PDIK1L: variants seen among roughly 807,000 people sequenced by gnomAD.
PDIK1L encodes the protein serine/threonine-protein kinase PDIK1L.
PDIK1L carries 9 observed loss-of-function variants against 27.1 expected under a neutral mutation model. That is an observed-to-expected ratio of 0.33 (90% CI 0.20 to 0.58). PDIK1L has a LOEUF of 0.58. PDIK1L is among the 20% of genes least tolerant of loss of function. PDIK1L has a pLI of 0.86. For missense variants in PDIK1L, 216 were observed against 413.2 expected (o/e 0.52, Z 4.14); for synonymous variants, 130 against 141.7 (o/e 0.92, Z 0.59).
Position 26,124,995 on chromosome 1 carries a change from A to G in PDIK1L, c.*2418A>G, listed in dbSNP as rs1202265245. On this transcript the variant is annotated 3_prime_UTR_variant, in exon 3 of 3. Coordinates refer to ENST00000374269, the MANE Select transcript of PDIK1L (RefSeq NM_152835.5). ...GTGCCTTGCCCATAATAGGTACTCA[A>G]TAAGCAATTGTTCCTCATAGAGTCT... The G allele has an allele frequency of 2.0e-5, 3 of 152,638 alleles. No homozygotes were observed. Among genetic ancestry groups the G allele is most frequent in the African/African-American group, 2.4e-5 (1 of 41,464 alleles). The allele number at this position is 152,638 out of a possible 1,614,324, so 9.5% of individuals were successfully genotyped here. A position where few individuals can be genotyped will look rare whatever the true frequency, so the allele number is the denominator to read the frequency against.
In PDIK1L at chr1:26,114,345, G is replaced by A. The variant is rs756004997; in HGVS notation, c.37G>A (p.Glu13Lys). Residue 13 changes from glutamate (E) to lysine (K), a missense_variant, in exon 2 of 3, where the codon GAG becomes AAG. Physicochemically the swap from Glu to Lys is moderately conservative, Grantham distance 56. Coordinates refer to ENST00000374269, the MANE Select transcript of PDIK1L (RefSeq NM_152835.5). The surrounding 1 kb of genome is among the most constrained non-coding windows in gnomAD (Gnocchi z 4.8). ...SSQPKYDLIR[E>K]VGRGSYGVVY... ...CCAGCCAAAGTACGATCTAATACGG[G>A]AGGTAGGCCGAGGTAGTTACGGTGT... is the stretch of plus-strand genomic sequence containing the variant. 3.8e-5 allele frequency: 61 copies of A among 1,613,844 alleles called. No individual in the cohort carries two copies. The highest frequency in any genetic ancestry group is 2.8e-5 in the Non-Finnish European group (33 of 1,179,904).
chr1:26,116,115 A>T (rs1250606061), intron 2 of PDIK1L, among the ~76,000 whole-genome samples: 1 of 151,902 alleles, frequency 6.6e-6, no homozygotes, highest in Admixed American at 6.6e-5. Context: ...AGGCCGGAGA[A>T]TCTCTTGAAT....
chr1:26,118,078 T>C (rs544933088), intron 2 of PDIK1L, among the ~76,000 whole-genome samples: 7 of 148,702 alleles, frequency 4.7e-5, no homozygotes, highest in African/African-American at 1.7e-4. Context: ...AAAAAGTGGA[T>C]AGAACCTTGC....
At chr1:26,121,185 T>TA (rs1170512685) in intron 2 of PDIK1L, among the ~76,000 whole-genome samples, 3 of 152,340 alleles carry the variant, frequency 2.0e-5, no homozygotes, top group East Asian at 3.9e-4. Context: ...TTTAAAAATT[T>TA]AAAAAATGCC....
intron 2 of PDIK1L, among the ~76,000 whole-genome samples, chr1:26,120,417 CAT>C (rs567680295): frequency 5.3e-5 from 8 of 152,298 alleles, no homozygotes; most frequent in Admixed American, 2.6e-4. Context: ...CACTGGCAAA[CAT>C]GTGCAACAAG....
Position 26,114,484 on chromosome 1 carries a change from G to A in PDIK1L, c.176G>A (p.Ser59Asn). ...LALREFWALS[S>N]IKSQHPNVIH... is the part of the protein sequence containing the mutation. The stretch of plus-strand genomic sequence containing the variant: ...CTTCGTGAGTTCTGGGCACTAAGCA[G>A]TATCAAGAGCCAACATCCAAATGTG... The change falls in exon 2 of 3, where the codon AGT becomes AAT. Residue 59 changes from serine (S) to asparagine (N), a missense_variant. Ser to Asn is a conservative substitution (Grantham distance 46). Coordinates refer to ENST00000374269, the MANE Select transcript of PDIK1L (RefSeq NM_152835.5). This position sits in a 1 kb window ranked among gnomAD's most constrained non-coding sequence, Gnocchi z 4.8. The A allele has an allele frequency of 1.9e-6, 3 of 1,614,134 alleles. No individual in the cohort carries two copies. Among genetic ancestry groups the A allele is most frequent in the Non-Finnish European group, 2.5e-6 (3 of 1,180,008 alleles).
rs747413816 is a variant in PDIK1L at position 26,114,297 on chromosome 1, T to C, written c.-12T>C. On this transcript the variant is annotated 5_prime_UTR_variant, in exon 2 of 3. Coordinates refer to ENST00000374269, the MANE Select transcript of PDIK1L (RefSeq NM_152835.5). This position sits in a 1 kb window ranked among gnomAD's most constrained non-coding sequence, Gnocchi z 4.8. ...CACTTTGTTGATTTTTCCAGAAACC[T>C]CGACCTTGAAGATGGTGAGTAGCCA... 6.2e-7 allele frequency: 1 copy of C among 1,602,946 alleles called. No individual in the cohort carries two copies. The highest frequency in any genetic ancestry group is 8.5e-7 in the Non-Finnish European group (1 of 1,171,390).
rs888854653 is a variant in PDIK1L at position 26,122,078 on chromosome 1, G to C, written c.527G>C (p.Arg176Thr). 2.5e-6 allele frequency: 4 copies of C among 1,613,778 alleles called. No individual in the cohort carries two copies. Among genetic ancestry groups the C allele is most frequent in the Admixed American group, 3.3e-5 (2 of 59,954 alleles). The change falls in exon 3 of 3, where the codon AGG becomes ACG. Residue 176 changes from arginine (R) to threonine (T), a missense_variant. Physicochemically the swap from Arg to Thr is moderately conservative, Grantham distance 71. Coordinates refer to ENST00000374269, the MANE Select transcript of PDIK1L (RefSeq NM_152835.5). This position sits in a 1 kb window ranked among gnomAD's most constrained non-coding sequence, Gnocchi z 5.4. The part of the protein sequence containing the change: ...KPDNILISQT[R>T]LDTSDLEPTL... ...GATAACATCCTGATTTCTCAAACCA[G>C]GTTGGATACCAGTGACTTGGAACCT...
In PDIK1L at chr1:26,114,652, G is replaced by A; in HGVS notation, c.285+59G>A. 1 of 1,570,254 alleles carries A rather than the reference G, an allele frequency of 6.4e-7. No homozygotes were observed. Among genetic ancestry groups the A allele is most frequent in the South Asian group, 1.2e-5 (1 of 86,626 alleles). ...TGAACATGGCATTGGCCAGCAAGAA[G>A]AGGAATGAAAGGGTCAGACGAACGT... On this transcript the variant is annotated intron_variant, in intron 2 of 2. Coordinates refer to ENST00000374269, the MANE Select transcript of PDIK1L (RefSeq NM_152835.5). The surrounding 1 kb of genome is among the most constrained non-coding windows in gnomAD (Gnocchi z 4.8).
chr1:26,114,990 T>C lies in PDIK1L; in HGVS notation c.285+397T>C, dbSNP rs902732832. 3.3e-5 allele frequency among the ~76,000 whole-genome samples: 5 copies of C among 152,236 alleles called. No individual in the cohort carries two copies. The highest frequency in any genetic ancestry group is 1.2e-4 in the African/African-American group (5 of 41,444). On this transcript the variant is annotated intron_variant, in intron 2 of 2. Coordinates refer to ENST00000374269, the MANE Select transcript of PDIK1L (RefSeq NM_152835.5). This position sits in a 1 kb window ranked among gnomAD's most constrained non-coding sequence, Gnocchi z 4.8. ...ACCCCTAGGTAATTGGGCATCTCTTTTATAAATCACTGGTTTGAATGTAAG... is the reference window on the plus strand; with the variant it reads ...ACCCCTAGGTAATTGGGCATCTCTTCTATAAATCACTGGTTTGAATGTAAG...
rs201344559 is a variant in PDIK1L, at chr1:26,125,504, CTTTT to C, written c.*2934_*2937del. 1 of 145,684 alleles carries C rather than the reference CTTTT, an allele frequency of 6.9e-6. No homozygotes were observed. Among genetic ancestry groups the C allele is most frequent in the Non-Finnish European group, 1.5e-5 (1 of 66,014 alleles). The allele number at this position is 145,684 out of a possible 1,614,324, so 9.0% of individuals were successfully genotyped here. A position where few individuals can be genotyped will look rare whatever the true frequency, so the allele number is the denominator to read the frequency against. On this transcript the variant is annotated 3_prime_UTR_variant, in exon 3 of 3. Coordinates refer to ENST00000374269, the MANE Select transcript of PDIK1L (RefSeq NM_152835.5). ...AATGATTGTAATTTATTGTTCATGACTTTTTTTTTTAAATAAAGTGAGTTTCAAC... is the reference window on the plus strand; with the variant it reads ...AATGATTGTAATTTATTGTTCATGACTTTTTTAAATAAAGTGAGTTTCAAC...
chr1:26,121,663 T>G (rs1394022296), intron 2 of PDIK1L, among the ~76,000 whole-genome samples, 174 bp from the exon 3 acceptor site: 1 of 152,202 alleles, frequency 6.6e-6, no homozygotes, highest in Non-Finnish European at 1.5e-5. Flanking sequence ...AAATGACAAG[T>G]TGAAGCATTT....
At chr1:26,117,808 G>A (rs1464994200) in intron 2 of PDIK1L, among the ~76,000 whole-genome samples, 2 of 151,850 alleles carry the variant, frequency 1.3e-5, no homozygotes, top group South Asian at 2.1e-4. Context: ...CTGTAATCCC[G>A]GCACTTCGGG....
rs60381058 is a variant in PDIK1L, at chr1:26,117,015, C to CTT, written c.285+2448_285+2449dup. 4.7e-4 allele frequency among the ~76,000 whole-genome samples: 49 copies of CTT among 103,568 alleles called. 2 individuals carry two copies. Among genetic ancestry groups the CTT allele is most frequent in the East Asian group, 2.3e-3 (7 of 2,994 alleles). The allele number at this position is 103,568 out of a possible 152,430, so 67.9% of individuals were successfully genotyped here. A position where few individuals can be genotyped will look rare whatever the true frequency, so the allele number is the denominator to read the frequency against. On this transcript the variant is annotated intron_variant, in intron 2 of 2. Coordinates refer to ENST00000374269, the MANE Select transcript of PDIK1L (RefSeq NM_152835.5). ...ACAGGCGTGAGCCACTGCGCCCAAC[C>CTT]TTTTTTTTTTTTTTTTTTTTTTTTT...
At position 26,119,435 on chromosome 1, in the gene PDIK1L, C is replaced by T. The variant is rs544215548; in HGVS notation, c.286-2402C>T. The stretch of plus-strand genomic sequence containing the variant: ...TCTCTCTCTCTCTCTCACACACACA[C>T]ACAAAATATATATATAATTGTCTAA... On this transcript the variant is annotated intron_variant, in intron 2 of 2. Transcript: ENST00000374269. 3.9e-5 allele frequency among the ~76,000 whole-genome samples: 6 copies of T among 152,012 alleles called. No individual in the cohort carries two copies. The South Asian group carries it at 1.2e-3, about 32-fold the overall frequency.
chr1:26,112,277 G>C (rs537837876), intron 1 of PDIK1L, among the ~76,000 whole-genome samples: 3 of 152,350 alleles, frequency 2.0e-5, no homozygotes, highest in African/African-American at 7.2e-5. Flanking sequence ...CTCTGGCCGC[G>C]ACTGGCCCTT....
At chr1:26,113,498 T>TAAAAAAA (rs67443362) in intron 1 of PDIK1L, among the ~76,000 whole-genome samples, 3 of 91,052 alleles carry the variant, frequency 3.3e-5, no homozygotes, top group Non-Finnish European at 6.4e-5. Context: ...AGACTCCGTC[T>TAAAAAAA]AAAAAAAAAA....
chr1:26,116,212 A>AG, intron 2 of PDIK1L, among the ~76,000 whole-genome samples: 1 of 151,522 alleles, frequency 6.6e-6, no homozygotes, highest in East Asian at 1.9e-4. Context: ...CAAAAAAAAA[A>AG]AAAAACTCTG....
chr1:26,115,305 T>G lies in PDIK1L; in HGVS notation c.285+712T>G, dbSNP rs77225862. 7.6e-3 allele frequency among the ~76,000 whole-genome samples: 1,160 copies of G among 152,362 alleles called. 14 individuals are homozygous for G. Among genetic ancestry groups the G allele is most frequent in the African/African-American group, 0.026 (1,093 of 41,582 alleles). On this transcript the variant is annotated intron_variant, in intron 2 of 2. Coordinates refer to ENST00000374269, the MANE Select transcript of PDIK1L (RefSeq NM_152835.5). ...CATAGTAAGTGGTACAATTGGGAGC[T>G]GGAGCTGAGAATGACAGCTGAAGCT... is the stretch of plus-strand genomic sequence containing the variant.
Sources: allele counts gnomAD v4.1 joint callset (sites outside exome capture counted in the v4.1 genomes callset), GRCh38; gene constraint gnomAD v4.1.1; non-coding constraint Gnocchi (gnomAD v3.1); transcripts MANE v1.5; gene names NCBI Gene and HGNC (gene_info 2026-07-23, HGNC 2026-07-21).